Variants in RNF150 observed in about 807,000 individuals in gnomAD.
The protein encoded by RNF150 is ring finger protein 150.
Under a neutral mutation model 39.3 loss-of-function variants are expected in RNF150, and 24 were observed. That is an observed-to-expected ratio of 0.61 (90% CI 0.44 to 0.86). The LOEUF is 0.86. Ranked by LOEUF, RNF150 falls within the 40% of genes least tolerant of loss-of-function variation. The probability of loss-of-function intolerance (pLI) is 0.00; values close to 1 mark genes in which losing one functional copy is unlikely to be tolerated. For synonymous variants in RNF150, 255 were observed against 227.3 expected, an observed-to-expected ratio of 1.12 and a Z score of -1.10; for missense variants, 502 against 587.8, an observed-to-expected ratio of 0.85 and a Z score of 1.51.
chr4:141,145,272 A>G (rs1015936722), intron 1 of RNF150, among the ~76,000 whole-genome samples: 16 of 152,362 alleles, frequency 1.1e-4, no homozygotes, highest in African/African-American at 3.8e-4. Context: ...CAAAGTGTCA[A>G]AGAAAATGAA....
intron 6 of RNF150, among the ~76,000 whole-genome samples, chr4:140,889,633 A>G (rs1729691327): frequency 6.6e-6 from 1 of 152,204 alleles, no homozygotes. Flanking sequence ...GGAATAATAT[A>G]GTAAACCAAA....
intron 2 of RNF150, among the ~76,000 whole-genome samples, chr4:140,956,034 T>C (rs533578649): frequency 9.2e-5 from 14 of 152,308 alleles, no homozygotes; most frequent in Admixed American, 2.6e-4. Context: ...CTGGTTTCCC[T>C]GGATTAGCCT....
chr4:141,078,721 T>C (rs554333158), intron 1 of RNF150, among the ~76,000 whole-genome samples: 1 of 140,010 alleles, frequency 7.1e-6, no homozygotes, highest in African/African-American at 2.7e-5. Flanking sequence ...ACCCAGGCGG[T>C]GGAGCTTGCA....
At chr4:140,921,361 A>T (rs1731136196) in intron 5 of RNF150, among the ~76,000 whole-genome samples, 1 of 151,934 alleles carries the variant, frequency 6.6e-6, no homozygotes, top group Non-Finnish European at 1.5e-5. Flanking sequence ...TAAACTAGAA[A>T]ATCTAGAAGA....
intron 4 of RNF150, among the ~76,000 whole-genome samples, chr4:140,941,380 T>C (rs1170899418): frequency 6.6e-6 from 1 of 152,172 alleles, no homozygotes; most frequent in Non-Finnish European, 1.5e-5. Context: ...ACAATGGCAA[T>C]TGCACCAGCC....
At chr4:140,899,900 T>G (rs1730111830) in intron 6 of RNF150, among the ~76,000 whole-genome samples, 1 of 151,330 alleles carries the variant, frequency 6.6e-6, no homozygotes, top group Admixed American at 6.6e-5. Context: ...GAGTTAGATA[T>G]TTCTGTATTT....
At chr4:141,100,683 A>G (rs1191766473) in intron 1 of RNF150, among the ~76,000 whole-genome samples, 1 of 152,202 alleles carries the variant, frequency 6.6e-6, no homozygotes, top group African/African-American at 2.4e-5. Flanking sequence ...TTGCATAACA[A>G]CAGAGACTGG....
chr4:140,898,396 G>T (rs1262544409), intron 6 of RNF150, among the ~76,000 whole-genome samples: 7 of 151,962 alleles, frequency 4.6e-5, no homozygotes, highest in Non-Finnish European at 8.8e-5. Flanking sequence ...CTGAGACATG[G>T]CTAACTACTA....
intron 6 of RNF150, among the ~76,000 whole-genome samples, chr4:140,889,783 C>G (rs1323647666): frequency 2.0e-5 from 3 of 152,128 alleles, no homozygotes; most frequent in African/African-American, 7.2e-5. Flanking sequence ...TACTTGGCCT[C>G]ATTTTCATTT....
intron 5 of RNF150, among the ~76,000 whole-genome samples, chr4:140,916,570 T>G (rs1730839548): frequency 1.3e-5 from 2 of 152,168 alleles, no homozygotes; most frequent in Non-Finnish European, 2.9e-5. Context: ...GTCTAATTGG[T>G]GTACCTGAAA....
chr4:141,204,329 G>A (rs1728340822), intron 1 of RNF150, among the ~76,000 whole-genome samples: 1 of 152,106 alleles, frequency 6.6e-6, no homozygotes, highest in South Asian at 2.1e-4. Context: ...AGAATTGAGA[G>A]AGAAGAAGGA....
At chr4:141,026,682 G>T (rs752008221) in intron 1 of RNF150, among the ~76,000 whole-genome samples, 6 of 152,166 alleles carry the variant, frequency 3.9e-5, no homozygotes, top group Non-Finnish European at 7.3e-5. Flanking sequence ...TTTCACAAAC[G>T]TATTTGCTCA....
intron 1 of RNF150, among the ~76,000 whole-genome samples, chr4:141,177,289 A>G (rs967773801): frequency 6.6e-6 from 1 of 152,146 alleles, no homozygotes; most frequent in Non-Finnish European, 1.5e-5. Flanking sequence ...GGGAAAGTCT[A>G]GTCCTGGGTC....
chr4:141,144,733 A>G (rs902533558), intron 1 of RNF150, among the ~76,000 whole-genome samples: 3 of 152,198 alleles, frequency 2.0e-5, no homozygotes, highest in Admixed American at 6.6e-5. Flanking sequence ...AATATTTTCT[A>G]TAGGGCTTCG....
intron 5 of RNF150, among the ~76,000 whole-genome samples, chr4:140,921,184 A>T (rs201408154): frequency 9.5e-5 from 3 of 31,658 alleles, no homozygotes; most frequent in Admixed American, 9.1e-4. Flanking sequence ...GTATAATAAT[A>T]ATAATAATAA....
At chr4:140,990,347 T>C (rs944740439) in intron 1 of RNF150, among the ~76,000 whole-genome samples, 2 of 152,244 alleles carry the variant, frequency 1.3e-5, no homozygotes, top group African/African-American at 2.4e-5. Context: ...TTTCTTTTTT[T>C]AATTTTTATT....
At chr4:141,080,827 G>A (rs1032492379) in intron 1 of RNF150, among the ~76,000 whole-genome samples, 1 of 152,182 alleles carries the variant, frequency 6.6e-6, no homozygotes, top group African/African-American at 2.4e-5. Context: ...GGCACCAGTA[G>A]AGGCAAAGGT....
upstream of RNF150, among the ~76,000 whole-genome samples, chr4:141,136,947 A>G (rs1727037162): frequency 6.6e-6 from 1 of 152,188 alleles, no homozygotes; most frequent in African/African-American, 2.4e-5. Context: ...CTATGTGGCT[A>G]TTTGGGGGAC....
At chr4:141,067,203 A>G (rs1468901344) in intron 1 of RNF150, among the ~76,000 whole-genome samples, 2 of 152,232 alleles carry the variant, frequency 1.3e-5, no homozygotes. Flanking sequence ...TTGCTTTAAG[A>G]ATAGATAATC....
Sources: allele counts gnomAD v4.1 joint callset (sites outside exome capture counted in the v4.1 genomes callset), GRCh38; gene constraint gnomAD v4.1.1; transcripts MANE v1.5; gene names NCBI Gene and HGNC (gene_info 2026-07-23, HGNC 2026-07-21).